Variants in MIPOL1 observed in about 807,000 individuals in gnomAD.
MIPOL1 encodes mirror-image polydactyly gene 1 protein.
A neutral mutation model predicts 60.9 loss-of-function variants in MIPOL1; 57 were observed. The ratio of observed to expected loss-of-function variants is 0.94; its 90% CI spans 0.76 to 1.17. The LOEUF is 1.17. Among genes scored for constraint, MIPOL1 ranks in the 50% most tolerant of loss-of-function variants. The probability of loss-of-function intolerance (pLI) is 0.00; values close to 1 mark genes in which losing one functional copy is unlikely to be tolerated. For synonymous variants in MIPOL1, 179 were observed against 168.8 expected, an observed-to-expected ratio of 1.06 and a Z score of -0.47; for missense variants, 551 against 511.6, an observed-to-expected ratio of 1.08 and a Z score of -0.74.
chr14:37,437,482 T>G (rs1304130537), intron 11 of MIPOL1, among the ~76,000 whole-genome samples: 1 of 152,206 alleles, frequency 6.6e-6, no homozygotes, highest in Non-Finnish European at 1.5e-5. Flanking sequence ...GGACGCACTG[T>G]TCACTTAAAT....
chr14:37,331,620 A>G (rs929810717), intron 9 of MIPOL1, among the ~76,000 whole-genome samples: 4 of 151,294 alleles, frequency 2.6e-5, no homozygotes, highest in African/African-American at 9.7e-5. Flanking sequence ...TTGATTTTAT[A>G]TTCTACAACT....
intron 11 of MIPOL1, among the ~76,000 whole-genome samples, chr14:37,460,947 C>G (rs1055999324): frequency 2.0e-5 from 3 of 152,088 alleles, no homozygotes; most frequent in Non-Finnish European, 4.4e-5. Flanking sequence ...TATACAGATT[C>G]AACATAATTC....
intron 7 of MIPOL1, among the ~76,000 whole-genome samples, chr14:37,302,633 CTT>C (rs59760327): frequency 5.7e-4 from 71 of 124,970 alleles, no homozygotes; most frequent in Admixed American, 1.1e-3. Flanking sequence ...ATTAAAAAAT[CTT>C]TTTTTTTTTT....
intron 11 of MIPOL1, among the ~76,000 whole-genome samples, chr14:37,488,802 G>A (rs751382228): frequency 1.6e-4 from 24 of 152,140 alleles, no homozygotes; most frequent in Non-Finnish European, 3.2e-4. Flanking sequence ...TCTCCCGAGA[G>A]ATCTGCTGTT....
At chr14:37,247,268 G>A (rs560728028) in intron 2 of MIPOL1, 28 bp downstream of exon 2, 5 of 151,916 alleles carry the variant, frequency 3.3e-5, no homozygotes, top group Admixed American at 2.0e-4. Flanking sequence ...CTCCTTAAAA[G>A]CATAAAAAAA....
downstream of MIPOL1, chr14:37,551,396 T>A (rs1299863228): frequency 6.6e-6 from 1 of 152,118 alleles, no homozygotes; most frequent in Non-Finnish European, 1.5e-5. Flanking sequence ...TCAAACTGTC[T>A]GACTTCCTTA....
At chr14:37,329,685 T>A (rs529025665) in intron 9 of MIPOL1, among the ~76,000 whole-genome samples, 3 of 152,144 alleles carry the variant, frequency 2.0e-5, no homozygotes, top group Admixed American at 6.6e-5. Flanking sequence ...TCCAGGAGTA[T>A]AATAACTGAA....
intron 1 of MIPOL1, among the ~76,000 whole-genome samples, chr14:37,224,052 A>C (rs1203110271): frequency 1.3e-5 from 2 of 152,216 alleles, no homozygotes; most frequent in South Asian, 2.1e-4. Flanking sequence ...AGCAGGAAAA[A>C]TAAGTGACTT....
chr14:37,257,349 C>G (rs1359998274), intron 3 of MIPOL1, among the ~76,000 whole-genome samples: 1 of 151,920 alleles, frequency 6.6e-6, no homozygotes, highest in Non-Finnish European at 1.5e-5. Context: ...TGAGCTACTG[C>G]TTAAACACTT....
intron 12 of MIPOL1, among the ~76,000 whole-genome samples, chr14:37,546,365 T>C (rs754321782): frequency 6.6e-6 from 1 of 152,208 alleles, no homozygotes; most frequent in Non-Finnish European, 1.5e-5. Context: ...TCCATGCTAC[T>C]GTAACTTGAA....
rs536152439 is a variant in MIPOL1, at chr14:37,255,227, C to T, written c.19+7320C>T. Among the ~76,000 whole-genome samples the T allele has an allele frequency of 1.5e-4, 22 of 151,678 alleles. No individual in the cohort carries two copies. In the South Asian group the frequency reaches 4.6e-3, roughly 31 times the overall value. On this transcript the variant is annotated intron_variant, in intron 3 of 12. Transcript: ENST00000684589. The stretch of plus-strand genomic sequence containing the variant: ...TTTCAGCTTGTCATATTTCAGATGA[C>T]TGTGTGGCCTCCGTAGTATGATTAA...
Position 37,349,169 on chromosome 14 carries a change from G to C in MIPOL1, c.829-20348G>C, listed in dbSNP as rs187282602. Among the ~76,000 whole-genome samples the C allele has an allele frequency of 3.4e-3, 521 of 151,554 alleles. 5 individuals are homozygous for C. Among genetic ancestry groups the C allele is most frequent in the Non-Finnish European group, 5.7e-3 (384 of 67,812 alleles). ...ACACCTGGCTAATTTTTGTATTTTTGGTAGTGATGGGTTTTGCCATGTTGG... is the reference window on the plus strand; with the variant it reads ...ACACCTGGCTAATTTTTGTATTTTTCGTAGTGATGGGTTTTGCCATGTTGG... On this transcript the variant is annotated intron_variant, in intron 9 of 12. Coordinates refer to ENST00000684589, the MANE Select transcript of MIPOL1 (RefSeq NM_001388067.1).
intron 10 of MIPOL1, among the ~76,000 whole-genome samples, chr14:37,403,174 G>C (rs531359500): frequency 2.0e-5 from 3 of 152,194 alleles, no homozygotes; most frequent in Admixed American, 1.3e-4. Context: ...TGGCCTAATA[G>C]AGATTTTCAA....
intron 6 of MIPOL1, among the ~76,000 whole-genome samples, chr14:37,274,415 A>G (rs941613677): frequency 5.3e-5 from 8 of 151,346 alleles, no homozygotes; most frequent in Non-Finnish European, 1.2e-4. Flanking sequence ...TGTCATTGTC[A>G]CCATCATTGA....
At chr14:37,429,626 A>G (rs2094024367) in intron 11 of MIPOL1, among the ~76,000 whole-genome samples, 1 of 152,158 alleles carries the variant, frequency 6.6e-6, no homozygotes, top group Non-Finnish European at 1.5e-5. Context: ...GGTTTGTAGT[A>G]TACATTTAAA....
At chr14:37,316,595 T>TTTG (rs1284576194) in intron 9 of MIPOL1, among the ~76,000 whole-genome samples, 1 of 150,176 alleles carries the variant, frequency 6.7e-6, no homozygotes, top group Admixed American at 6.6e-5. Context: ...CTTGGGAGGT[T>TTTG]TTTTTTTTTT....
At chr14:37,423,443 T>C (rs553250933) in intron 11 of MIPOL1, 27 of 151,908 alleles carry the variant, frequency 1.8e-4, no homozygotes, top group African/African-American at 6.3e-4. Flanking sequence ...TAACATAAAT[T>C]AATAAGGTAG....
intron 9 of MIPOL1, 71 bp downstream of exon 9, chr14:37,308,590 T>C (rs1595055423): frequency 4.2e-6 from 5 of 1,183,968 alleles, no homozygotes; most frequent in Non-Finnish European, 5.6e-6. Context: ...CATTAAAAAC[T>C]GACTTTGGCC....
rs757462608 is a variant in MIPOL1 at position 37,547,015 on chromosome 14, C to T, written c.*44C>T. 1.9e-6 allele frequency: 3 copies of T among 1,556,262 alleles called. No homozygotes were observed. Among genetic ancestry groups the T allele is most frequent in the Non-Finnish European group, 2.7e-6 (3 of 1,128,788 alleles). On this transcript the variant is annotated 3_prime_UTR_variant, in exon 13 of 13. Transcript: ENST00000684589. ...CTGGGGAAGCGATCACATCTGGTGA[C>T]CAGGCTGCTTCATTCAACACTGTGT...
Sources: allele counts gnomAD v4.1 joint callset (sites outside exome capture counted in the v4.1 genomes callset), GRCh38; gene constraint gnomAD v4.1.1; transcripts MANE v1.5; gene names NCBI Gene and HGNC (gene_info 2026-07-23, HGNC 2026-07-21).